The following RBMXL1 variants were observed in gnomAD, a reference collection of about 807,000 sequenced individuals.
RBMXL1 encodes the protein RNA binding motif protein, X-linked-like-1.
RBMXL1 carries 18 observed loss-of-function variants against 29.0 expected under a neutral mutation model. The observed-to-expected ratio is 0.62, with a 90% CI of 0.43 to 0.92. The LOEUF (loss-of-function observed/expected upper bound fraction) is 0.92, where lower values mean the gene tolerates loss of function less well. Ranked by LOEUF, RBMXL1 falls within the 40% of genes least tolerant of loss-of-function variation. The pLI is 0.00. For missense variants in RBMXL1, 403 were observed against 495.8 expected (o/e 0.81, Z 1.78); for synonymous variants, 141 against 170.4 (o/e 0.83, Z 1.34).
At chr1:88,987,545 G>T (rs1327633313) in intron 2 of RBMXL1, among the ~76,000 whole-genome samples, 2 of 152,000 alleles carry the variant, frequency 1.3e-5, no homozygotes, top group African/African-American at 2.4e-5. Flanking sequence ...GCCAAAAATG[G>T]AATTTTCATA....
At chr1:88,988,820 C>T (rs967575470) in intron 1 of RBMXL1, among the ~76,000 whole-genome samples, 9 of 152,130 alleles carry the variant, frequency 5.9e-5, no homozygotes, top group East Asian at 1.9e-4. Flanking sequence ...TTTGAAAAGA[C>T]GAATGATAGT....
intron 2 of RBMXL1, among the ~76,000 whole-genome samples, chr1:88,986,333 G>C (rs1042701258): frequency 2.0e-5 from 3 of 150,374 alleles, no homozygotes; most frequent in Admixed American, 6.6e-5. Context: ...AAAATTAATA[G>C]ACTATTTTAG....
Position 88,983,898 on chromosome 1 carries a change from C to G in RBMXL1, c.-72G>C. 6.3e-7 allele frequency: 1 copy of G among 1,583,814 alleles called. No homozygotes were observed. Among genetic ancestry groups the G allele is most frequent in the Non-Finnish European group, 8.7e-7 (1 of 1,153,242 alleles). On this transcript the variant is annotated 5_prime_UTR_variant, in exon 3 of 3. Coordinates refer to ENST00000652648, the MANE Select transcript of RBMXL1 (RefSeq NM_001162536.3). The stretch of plus-strand genomic sequence containing the variant: ...CCAACAAGCTCGCCGACAGGGGCTT[C>G]CTAGCAGCTCAGCACCAGTGGCGGC...
intron 1 of RBMXL1, among the ~76,000 whole-genome samples, chr1:88,991,793 C>CTAA (rs1392878552): frequency 2.6e-5 from 4 of 152,238 alleles, no homozygotes; most frequent in African/African-American, 9.6e-5. Context: ...GTCAGACTTG[C>CTAA]TAAGGGCTGA....
In RBMXL1 at chr1:88,983,864, G is replaced by C. The variant is rs1351868798; in HGVS notation, c.-38C>G. On this transcript the variant is annotated 5_prime_UTR_variant, in exon 3 of 3. Coordinates refer to ENST00000652648, the MANE Select transcript of RBMXL1 (RefSeq NM_001162536.3). ...CGGTGAGTCGGAGGGGTGACAGTGG[G>C]TTCAAGCTCCAACAAGCTCGCCGAC... The C allele has an allele frequency of 2.0e-5, 33 of 1,610,640 alleles. No homozygotes were observed. Among genetic ancestry groups the C allele is most frequent in the Non-Finnish European group, 2.8e-5 (33 of 1,177,484 alleles).
chr1:88,980,248 A>G lies in RBMXL1; in HGVS notation c.*2406T>C, dbSNP rs529130593. The G allele has an allele frequency of 6.5e-6, 1 of 152,716 alleles. No individual in the cohort carries two copies. Among genetic ancestry groups the G allele is most frequent in the East Asian group, 1.9e-4 (1 of 5,190 alleles). The allele number at this position is 152,716 out of a possible 1,614,324, so 9.5% of individuals were successfully genotyped here. ...GTGACAGTGGCTTCATGGCATATACATCTGTCAAAATAACCATTGAGTTGT... is the reference window on the plus strand; with the variant it reads ...GTGACAGTGGCTTCATGGCATATACGTCTGTCAAAATAACCATTGAGTTGT... On this transcript the variant is annotated 3_prime_UTR_variant, in exon 3 of 3. Coordinates refer to ENST00000652648, the MANE Select transcript of RBMXL1 (RefSeq NM_001162536.3).
chr1:88,990,921 A>G (rs1677756730), intron 1 of RBMXL1, among the ~76,000 whole-genome samples: 1 of 152,230 alleles, frequency 6.6e-6, no homozygotes, highest in African/African-American at 2.4e-5. Flanking sequence ...GGAGAAAATA[A>G]AAAGGTATAT....
In RBMXL1 at chr1:88,979,559, C is replaced by A. The variant is rs1676972023; in HGVS notation, c.*3095G>T. 1.3e-5 allele frequency: 2 copies of A among 152,118 alleles called. No individual in the cohort carries two copies. Among genetic ancestry groups the A allele is most frequent in the Admixed American group, 1.3e-4 (2 of 15,282 alleles). 9.4% of individuals were successfully genotyped at this position (152,118 alleles called of 1,614,324 possible). On this transcript the variant is annotated 3_prime_UTR_variant, in exon 3 of 3. Transcript: ENST00000652648. Reference sequence around the variant, plus strand: ...GGCAAAAGATTTGACAGCCACTTCACAGAAAATATACAACTGGCCAAAAAG... The same window carrying A: ...GGCAAAAGATTTGACAGCCACTTCAAAGAAAATATACAACTGGCCAAAAAG...
Position 88,983,361 on chromosome 1 carries a change from T to C in RBMXL1, c.466A>G (p.Arg156Gly), listed in dbSNP as rs1677218806. The C allele has an allele frequency of 6.2e-7, 1 of 1,614,034 alleles. No homozygotes were observed. The change falls in exon 3 of 3, where the codon AGA becomes GGA. Residue 156 changes from arginine (R) to glycine (G), a missense_variant. Physicochemically the swap from Arg to Gly is moderately radical, Grantham distance 125. Transcript: ENST00000652648. ...PLPVKRGPPP[R>G]SGGPSPKRSA... The stretch of plus-strand genomic sequence containing the variant: ...CTCTTAGGAGAAGGACCCCCACTTC[T>C]TGGTGGTGGTCCTCTTTTTACTGGG...
At chr1:88,987,869 A>C (rs1045162178) in intron 2 of RBMXL1, among the ~76,000 whole-genome samples, 2 of 152,242 alleles carry the variant, frequency 1.3e-5, no homozygotes, top group African/African-American at 4.8e-5. Context: ...TGGTTGACTG[A>C]ATCAAGTTCC....
intron 1 of RBMXL1, 139 bp downstream of exon 1, chr1:88,992,446 T>A (rs530815094): frequency 1.0e-4 from 16 of 152,848 alleles, no homozygotes; most frequent in African/African-American, 3.4e-4. Flanking sequence ...GCCGACTCCC[T>A]GCAGCCACCC....
intron 2 of RBMXL1, among the ~76,000 whole-genome samples, chr1:88,986,495 T>G (rs980997556): frequency 6.6e-6 from 1 of 151,748 alleles, no homozygotes; most frequent in Non-Finnish European, 1.5e-5. Context: ...TTTTGCCATG[T>G]TGCCCAGGCT....
intron 1 of RBMXL1, 88 bp downstream of exon 1, chr1:88,992,497 A>G (rs7528290): frequency 0.1 from 15,885 of 152,484 alleles, 2,753 homozygotes; most frequent in African/African-American, 0.36. Context: ...GAGGAGCCCG[A>G]CCTCCGTTCC....
chr1:88,982,794 C>A lies in RBMXL1; in HGVS notation c.1033G>T (p.Glu345Ter), dbSNP rs1362991201. Residue 345 changes from glutamate to a stop codon, truncating the protein, a stop_gained, in exon 3 of 3, where the codon GAA becomes TAA. Coordinates refer to ENST00000652648, the MANE Select transcript of RBMXL1 (RefSeq NM_001162536.3). LOFTEE classifies it high-confidence loss of function. ...YSSCDRVGRQ[E>*]RGLPPSVERG... ...TCTACAGAAGGGGGAAGCCCTCTTTCTTGTCTGCCAACCCTGTCACAACTT... is the reference window on the plus strand; with the variant it reads ...TCTACAGAAGGGGGAAGCCCTCTTTATTGTCTGCCAACCCTGTCACAACTT... 2 of 1,613,868 alleles carry A rather than the reference C, an allele frequency of 1.2e-6. No homozygotes were observed. Among genetic ancestry groups the A allele is most frequent in the Non-Finnish European group, 8.5e-7 (1 of 1,179,878 alleles).
chr1:88,992,388 CT>C (rs747399256), intron 1 of RBMXL1, among the ~76,000 whole-genome samples, 196 bp downstream of exon 1: 3 of 152,260 alleles, frequency 2.0e-5, no homozygotes, highest in Non-Finnish European at 4.4e-5. Flanking sequence ...GGATTCCCCC[CT>C]GGAGGCCAGT....
chr1:88,988,182 G>C (rs1677580690), intron 2 of RBMXL1, 70 bp downstream of exon 2: 5 of 991,424 alleles, frequency 5.0e-6, no homozygotes, highest in Non-Finnish European at 7.7e-6. Flanking sequence ...AAAAGCATCT[G>C]AAAAATTACA....
rs1273582440 is a variant in RBMXL1, at chr1:88,981,225, T to C, written c.*1429A>G. On this transcript the variant is annotated 3_prime_UTR_variant, in exon 3 of 3. Coordinates refer to ENST00000652648, the MANE Select transcript of RBMXL1 (RefSeq NM_001162536.3). ...CAGATGTCACTCATAAGTTTTATTC[T>C]ACAACTAAACTGTTTGTGGATAAGC... is the stretch of plus-strand genomic sequence containing the variant. The C allele has an allele frequency of 6.6e-6, 1 of 152,244 alleles. No individual in the cohort carries two copies. Among genetic ancestry groups the C allele is most frequent in the Non-Finnish European group, 1.5e-5 (1 of 68,038 alleles). 9.4% of individuals were successfully genotyped at this position (152,244 alleles called of 1,614,324 possible).
rs1201193614 is a variant in RBMXL1 at position 88,981,420 on chromosome 1, G to A, written c.*1234C>T. The A allele has an allele frequency of 1.3e-5, 2 of 152,644 alleles. No homozygotes were observed. The highest frequency in any genetic ancestry group is 2.1e-4 in the South Asian group (1 of 4,832). 9.5% of individuals were successfully genotyped at this position (152,644 alleles called of 1,614,324 possible). A position where few individuals can be genotyped will look rare whatever the true frequency, so the allele number is the denominator to read the frequency against. On this transcript the variant is annotated 3_prime_UTR_variant, in exon 3 of 3. Coordinates refer to ENST00000652648, the MANE Select transcript of RBMXL1 (RefSeq NM_001162536.3). ...CTGTAAAATCTGTGTAAAGGACCAC[G>A]AGAACCTCCTGACTACCTCCACTTA... is the stretch of plus-strand genomic sequence containing the variant.
At chr1:88,990,252 G>C (rs1307233196) in intron 1 of RBMXL1, among the ~76,000 whole-genome samples, 1 of 110,938 alleles carries the variant, frequency 9.0e-6, no homozygotes, top group African/African-American at 6.0e-5. Context: ...ATTCAACTTT[G>C]TTTGTCTCTC....
Sources: allele counts gnomAD v4.1 joint callset (sites outside exome capture counted in the v4.1 genomes callset), GRCh38; gene constraint gnomAD v4.1.1; transcripts MANE v1.5; gene names NCBI Gene and HGNC (gene_info 2026-07-23, HGNC 2026-07-21).